Variants in EMCN observed in about 807,000 individuals in gnomAD.
The protein encoded by EMCN is MUC-14.
Under a neutral mutation model 38.4 loss-of-function variants are expected in EMCN, and 37 were observed. The ratio of observed to expected loss-of-function variants is 0.96; its 90% confidence interval spans 0.74 to 1.27. The LOEUF is 1.27. EMCN is among the 50% of genes most tolerant of loss of function. The pLI, the probability that EMCN is intolerant of heterozygous loss-of-function variation, is 0.00. For synonymous variants in EMCN, 95 were observed against 100.8 expected (o/e 0.94, Z 0.35); for missense variants, 318 against 302.8 (o/e 1.05, Z -0.37).
intron 3 of EMCN, among the ~76,000 whole-genome samples, chr4:100,472,190 A>G (rs984524553): frequency 2.0e-5 from 3 of 152,024 alleles, no homozygotes; most frequent in African/African-American, 7.2e-5. Context: ...AATCTTGAAC[A>G]TAGAAAATTC....
At chr4:100,433,308 G>A (rs2110229163) in intron 5 of EMCN, among the ~76,000 whole-genome samples, 1 of 152,072 alleles carries the variant, frequency 6.6e-6, no homozygotes, top group African/African-American at 2.4e-5. Flanking sequence ...TATTTTTTAG[G>A]ACTAAATAAT....
At chr4:100,476,552 T>C (rs1024605054) in intron 2 of EMCN, among the ~76,000 whole-genome samples, 3 of 152,212 alleles carry the variant, frequency 2.0e-5, no homozygotes, top group African/African-American at 7.2e-5. Flanking sequence ...AAAGATATTA[T>C]ATTATTTTGA....
intron 9 of EMCN, among the ~76,000 whole-genome samples, chr4:100,416,376 T>G (rs1396908887): frequency 6.6e-6 from 1 of 152,118 alleles, no homozygotes; most frequent in Admixed American, 6.6e-5. Context: ...GGGCTTAGGC[T>G]GAATTCTGGA....
chr4:100,451,444 T>G (rs765611309), intron 4 of EMCN, among the ~76,000 whole-genome samples: 26 of 151,814 alleles, frequency 1.7e-4, no homozygotes, highest in Non-Finnish European at 3.8e-4. Flanking sequence ...ATATACACAT[T>G]CAAGTATAAA....
intron 4 of EMCN, among the ~76,000 whole-genome samples, chr4:100,454,238 C>CAA (rs397879572): frequency 0.16 from 20,001 of 124,276 alleles, 2,268 homozygotes; most frequent in East Asian, 0.65. Flanking sequence ...AAGCCATTAG[C>CAA]AAAAAAAAAA....
chr4:100,496,466 G>A (rs1388640976), intron 1 of EMCN, among the ~76,000 whole-genome samples: 1 of 151,944 alleles, frequency 6.6e-6, no homozygotes, highest in Non-Finnish European at 1.5e-5. Context: ...ACCTTTATGA[G>A]TTTTTTCATA....
At chr4:100,399,038 CT>C (rs1726185704) in intron 11 of EMCN, among the ~76,000 whole-genome samples, 1 of 152,128 alleles carries the variant, frequency 6.6e-6, no homozygotes, top group Admixed American at 6.5e-5. Context: ...TTATGGGCAA[CT>C]TTAAAGCTTT....
chr4:100,509,293 G>T (rs1048744503), intron 1 of EMCN, among the ~76,000 whole-genome samples: 1 of 152,116 alleles, frequency 6.6e-6, no homozygotes, highest in Non-Finnish European at 1.5e-5. Context: ...AAATGAGGCT[G>T]TCAAAAAATG....
intron 1 of EMCN, chr4:100,483,523 G>A (rs1305086043): frequency 6.6e-6 from 1 of 151,872 alleles, no homozygotes; most frequent in Non-Finnish European, 1.5e-5. Flanking sequence ...AACATTTCAA[G>A]TGCCACATAT....
intron 11 of EMCN, among the ~76,000 whole-genome samples, chr4:100,404,088 G>T (rs1726329333): frequency 6.6e-6 from 1 of 151,954 alleles, no homozygotes; most frequent in Non-Finnish European, 1.5e-5. Flanking sequence ...GGTCTTGTTA[G>T]TTTTTGTTTT....
Position 100,475,074 on chromosome 4 carries a change from TC to T in EMCN, c.222del (p.Met75CysfsTer7). 1 of 1,542,412 alleles carries T rather than the reference TC, an allele frequency of 6.5e-7. No individual in the cohort carries two copies. Among genetic ancestry groups the T allele is most frequent in the South Asian group, 1.3e-5 (1 of 77,978 alleles). The part of the protein sequence containing the change: ...TITNELLKMS[L>X]MSTATFLTSK... ...CTTGTTAAAAAAGTAGCTGTTGACA[TC>T]AGAGACATTTTAAGTAATTCATTGG... On this transcript the variant is annotated frameshift_variant, in exon 3 of 12. Coordinates refer to ENST00000296420, the MANE Select transcript of EMCN (RefSeq NM_016242.4). LOFTEE classifies it high-confidence loss of function.
chr4:100,434,710 G>T (rs1369975274), intron 5 of EMCN, among the ~76,000 whole-genome samples: 1 of 152,148 alleles, frequency 6.6e-6, no homozygotes, highest in African/African-American at 2.4e-5. Flanking sequence ...AGGATGCAAG[G>T]TTGGTTCAAC....
chr4:100,499,157 G>A (rs1264153321), intron 1 of EMCN, among the ~76,000 whole-genome samples: 1 of 152,008 alleles, frequency 6.6e-6, no homozygotes, highest in Non-Finnish European at 1.5e-5. Flanking sequence ...TGTAGTGAAT[G>A]CAGTCATCAT....
chr4:100,465,391 T>TTTAA (rs1728287022), intron 4 of EMCN, 32 bp downstream of exon 4: 2 of 1,316,160 alleles, frequency 1.5e-6, no homozygotes, highest in African/African-American at 2.9e-5. Context: ...AACACACTAG[T>TTTAA]TTAACACTTC....
chr4:100,470,467 G>A (rs528258834), intron 3 of EMCN, among the ~76,000 whole-genome samples: 1 of 151,094 alleles, frequency 6.6e-6, no homozygotes, highest in Non-Finnish European at 1.5e-5. Context: ...CAAACATTGT[G>A]GAAGACAGTA....
chr4:100,476,397 T>C (rs1728652742), intron 2 of EMCN, among the ~76,000 whole-genome samples: 1 of 151,986 alleles, frequency 6.6e-6, no homozygotes, highest in South Asian at 2.1e-4. Flanking sequence ...GATCCCCCAA[T>C]TTCAACCACC....
intron 3 of EMCN, among the ~76,000 whole-genome samples, chr4:100,473,058 A>G (rs1458757359): frequency 6.9e-6 from 1 of 145,102 alleles, no homozygotes; most frequent in Admixed American, 7.0e-5. Flanking sequence ...TCTGTCGCCC[A>G]GGCTGGAATG....
intron 1 of EMCN, among the ~76,000 whole-genome samples, chr4:100,482,582 T>C (rs1395295185): frequency 1.3e-5 from 2 of 152,028 alleles, no homozygotes; most frequent in Non-Finnish European, 2.9e-5. Context: ...CTGCAAACAG[T>C]TCTGTCTAGC....
chr4:100,466,895 G>C (rs992111175), intron 3 of EMCN, among the ~76,000 whole-genome samples: 11 of 152,058 alleles, frequency 7.2e-5, no homozygotes, highest in Admixed American at 6.6e-5. Flanking sequence ...AAATTCTTCA[G>C]CTGAGCTAAA....
Sources: allele counts gnomAD v4.1 joint callset (sites outside exome capture counted in the v4.1 genomes callset), GRCh38; gene constraint gnomAD v4.1.1; transcripts MANE v1.5; gene names NCBI Gene and HGNC (gene_info 2026-07-23, HGNC 2026-07-21).